Variants in WIZ observed in about 807,000 individuals in gnomAD.
WIZ encodes WIZ zinc finger, also known as protein Wiz.
A neutral mutation model predicts 140.2 loss-of-function variants in WIZ; 25 were observed. The observed-to-expected ratio is 0.18, with a 90% CI of 0.13 to 0.25. WIZ has a LOEUF of 0.25. Ranked by LOEUF, WIZ falls within the 10% of genes least tolerant of loss-of-function variation. The pLI is 1.00. For missense variants in WIZ, 2,231 were observed against 2,632.6 expected (o/e 0.85, Z 3.34); for synonymous variants, 1,125 against 1,154.3 (o/e 0.97, Z 0.51).
chr19:15,433,376 C>T lies in WIZ; in HGVS notation c.2741-2194G>A. 5.1e-6 allele frequency: 5 copies of T among 985,086 alleles called. No homozygotes were observed. In the South Asian group the frequency reaches 1.9e-4, roughly 37 times the overall value. 61.0% of individuals were successfully genotyped at this position (985,086 alleles called of 1,614,324 possible). ...CCCGCCCCCAACCTGGCACCCGCCCCCTCCTGCCCACTTAGGGAGAGGGGG... is the reference window on the plus strand; with the variant it reads ...CCCGCCCCCAACCTGGCACCCGCCCTCTCCTGCCCACTTAGGGAGAGGGGG... On this transcript the variant is annotated intron_variant, in intron 5 of 12. Transcript: ENST00000673675.
Position 15,429,665 on chromosome 19 carries a change from G to A in WIZ, c.3336C>T (p.Pro1112=), listed in dbSNP as rs1969092326. ...CCGGCCGGGGGCTCAGGGACAGCTG[G>A]GGGCTCTTGTCCTCAGGATTCTTAG... The part of the protein sequence containing the change: ...PTPKNPEDKS[P]QLSLSPRPAS... The change falls in exon 7 of 13, where the codon CCC becomes CCT. Residue 1112 remains proline (P), a synonymous_variant. Coordinates refer to ENST00000673675, the MANE Select transcript of WIZ (RefSeq NM_001371589.1). 3 of 1,426,624 alleles carry A rather than the reference G, an allele frequency of 2.1e-6. No homozygotes were observed. The highest frequency in any genetic ancestry group is 1.4e-5 in the African/African-American group (1 of 69,484). The allele number at this position is 1,426,624 out of a possible 1,614,324, so 88.4% of individuals were successfully genotyped here.
rs748526882 is a variant in WIZ at position 15,427,089 on chromosome 19, C to T, written c.4259G>A (p.Arg1420Gln). 27 of 1,614,190 alleles carry T rather than the reference C, an allele frequency of 1.7e-5. No individual in the cohort carries two copies. The highest frequency in any genetic ancestry group is 2.1e-5 in the Non-Finnish European group (25 of 1,180,002). ...LPKKLKPEQI[R>Q]VEIKREMLPG... ...CAGCATCTCCCGCTTGATCTCCACC[C>T]GTATTTGTTCAGGCTTCAGCTTCTT... The change falls in exon 9 of 13, where the codon CGG (arginine) becomes CAG (glutamine). Residue 1420 changes from arginine to glutamine, a missense_variant. Transcript: ENST00000673675. This position sits in a 1 kb window ranked among gnomAD's most constrained non-coding sequence, Gnocchi z 6.4.
chr19:15,424,336 G>A lies in WIZ; in HGVS notation c.5357C>T (p.Ala1786Val), dbSNP rs774446894. ...GTCATTGGTGTCCTCGCCTCCCCGG[G>A]CTGCGGAGGCATCTGGAGGGCGGGC... ...RQARPPDASA[A>V]RGGEDTNDLQ... The change falls in exon 12 of 13, where the codon GCC (alanine) becomes GTC (valine). Residue 1786 changes from alanine (A) to valine (V), a missense_variant. Ala to Val is a moderately conservative substitution (Grantham distance 64). Around this residue, in one of 15 missense-constraint regions of WIZ, gnomAD observed 299 missense variants for 309.6 expected, o/e 0.97. Coordinates refer to ENST00000673675, the MANE Select transcript of WIZ (RefSeq NM_001371589.1). The surrounding 1 kb of genome is among the most constrained non-coding windows in gnomAD (Gnocchi z 9.7). The A allele has an allele frequency of 1.1e-5, 18 of 1,603,580 alleles. No individual in the cohort carries two copies. In the South Asian group the frequency reaches 1.8e-4, roughly 16 times the overall value.
intron 2 of WIZ, among the ~76,000 whole-genome samples, chr19:15,447,139 C>A (rs189334418): frequency 6.6e-6 from 1 of 152,170 alleles, no homozygotes; most frequent in African/African-American, 2.4e-5. Flanking sequence ...AGCCTTGGCA[C>A]GGAGGAAGCC....
chr19:15,439,557 G>A lies in WIZ; in HGVS notation c.1437C>T (p.Leu479=), dbSNP rs1969650979. The A allele has an allele frequency of 2.0e-6, 3 of 1,505,780 alleles. No individual in the cohort carries two copies. The highest frequency in any genetic ancestry group is 1.2e-5 in the South Asian group (1 of 81,638). The allele number at this position is 1,505,780 out of a possible 1,614,324, so 93.3% of individuals were successfully genotyped here. The change falls in exon 4 of 13, where the codon CTC becomes CTT. Residue 479 remains leucine (L), a synonymous_variant. Coordinates refer to ENST00000673675, the MANE Select transcript of WIZ (RefSeq NM_001371589.1). The surrounding 1 kb of genome is among the most constrained non-coding windows in gnomAD (Gnocchi z 7.0). ...CATGCACCAGCCTCACGTGCTCCCT[G>A]AGCAGGCTCTCGCTGGGCGCGGGGA... ...CGFPAPSESL[L]REHVRLVHAH... is the part of the protein sequence containing the mutation.
rs751632665 is a variant in WIZ at position 15,424,164 on chromosome 19, T to C, written c.5510+19A>G. 15 of 1,485,460 alleles carry C rather than the reference T, an allele frequency of 1.0e-5. No homozygotes were observed. Among genetic ancestry groups the C allele is most frequent in the South Asian group, 1.4e-5 (1 of 72,112 alleles). 92.0% of individuals were successfully genotyped at this position (1,485,460 alleles called of 1,614,324 possible). On this transcript the variant is annotated intron_variant, in intron 12 of 12. Transcript: ENST00000673675. This position sits in a 1 kb window ranked among gnomAD's most constrained non-coding sequence, Gnocchi z 9.7. ...GGTCCACTCAGGTGGTCTCCCTCCC[T>C]CCCCCAGGGGCAGCCTACCTGCATT... is the stretch of plus-strand genomic sequence containing the variant.
intron 5 of WIZ, chr19:15,433,407 T>C (rs1969391969): frequency 4.2e-6 from 4 of 962,402 alleles, no homozygotes; most frequent in Non-Finnish European, 4.9e-6. Context: ...GGGGGCAGGC[T>C]TCTAACGACA....
chr19:15,424,426 C>T lies in WIZ; in HGVS notation c.5315-48G>A. The T allele has an allele frequency of 6.3e-7, 1 of 1,580,100 alleles. No homozygotes were observed. Among genetic ancestry groups the T allele is most frequent in the Non-Finnish European group, 8.6e-7 (1 of 1,167,132 alleles). On this transcript the variant is annotated intron_variant, in intron 11 of 12. Transcript: ENST00000673675. The surrounding 1 kb of genome is among the most constrained non-coding windows in gnomAD (Gnocchi z 9.7). ...AGATGAGTGGGAGGGGTGGATGCTG[C>T]AGAGACTTGGAATACACAAGAGCTG...
intron 5 of WIZ, 82 bp downstream of exon 5, chr19:15,436,724 C>G (rs1486729428): frequency 6.6e-6 from 9 of 1,373,122 alleles, no homozygotes; most frequent in South Asian, 1.6e-5. Flanking sequence ...AGCTGAGCGG[C>G]TGCCCCTCCA....
At chr19:15,437,974 C>T (rs957622215) in intron 4 of WIZ, among the ~76,000 whole-genome samples, 5 of 152,038 alleles carry the variant, frequency 3.3e-5, no homozygotes, top group Non-Finnish European at 4.4e-5. Context: ...TCACCCCTTG[C>T]CCCCAACCCC....
At chr19:15,426,528 A>C (rs1036736749) in intron 9 of WIZ, among the ~76,000 whole-genome samples, 1 of 152,168 alleles carries the variant, frequency 6.6e-6, no homozygotes, top group Non-Finnish European at 1.5e-5. Flanking sequence ...AGGTCACATA[A>C]AGCTAGACTG....
Position 15,429,998 on chromosome 19 carries a change from C to T in WIZ, c.3003G>A (p.Leu1001=), listed in dbSNP as rs1299718320. 3 of 1,535,918 alleles carry T rather than the reference C, an allele frequency of 2.0e-6. No homozygotes were observed. Among genetic ancestry groups the T allele is most frequent in the Non-Finnish European group, 2.6e-6 (3 of 1,146,844 alleles). ...SSHARSHLRQ[L]GVAESESSGA... Reference sequence around the variant, plus strand: ...CGCTGCTTTCCGACTCTGCCACTCCCAGCTGCCGCAGGTGGGAGCGCGCGT... The same window carrying T: ...CGCTGCTTTCCGACTCTGCCACTCCTAGCTGCCGCAGGTGGGAGCGCGCGT... The change falls in exon 7 of 13, where the codon CTG becomes CTA. Residue 1001 remains leucine (L), a synonymous_variant. Transcript: ENST00000673675.
rs752292258 is a variant in WIZ, at chr19:15,440,400, G to A, written c.594C>T (p.Asp198=). ...CAGGCAGGTCCAAGTGCAGCCCTGC[G>A]TCCTGGGGGGATCCCTGCTCGTCCT... ...QDEDEQGSPQ[D]AGLHLDLPAQ... Residue 198 remains aspartate (D), a synonymous_variant, in exon 4 of 13, where the codon GAC becomes GAT. Transcript: ENST00000673675. This position sits in a 1 kb window ranked among gnomAD's most constrained non-coding sequence, Gnocchi z 6.2. 1.7e-5 allele frequency: 26 copies of A among 1,535,566 alleles called. No homozygotes were observed. The highest frequency in any genetic ancestry group is 1.1e-4 in the African/African-American group (8 of 73,000).
chr19:15,438,961 AGCT>A lies in WIZ; in HGVS notation c.2030_2032del (p.Gln677del), dbSNP rs1469459365. On this transcript the variant is annotated inframe_deletion, in exon 4 of 13. Coordinates refer to ENST00000673675, the MANE Select transcript of WIZ (RefSeq NM_001371589.1). ...GAGCACAATGGGTACCATCCCTCGG[AGCT>A]GCTGCTGCTGCCCCTGGGTGGCCTC... The A allele has an allele frequency of 6.2e-6, 9 of 1,452,958 alleles. No homozygotes were observed. The highest frequency in any genetic ancestry group is 2.5e-5 in the East Asian group (1 of 40,178). 90.0% of individuals were successfully genotyped at this position (1,452,958 alleles called of 1,614,324 possible).
rs1568290247 is a variant in WIZ at position 15,425,832 on chromosome 19, AGGAGGGAGGAGGAGGAG to A, written c.4367-81_4367-65del. Reference sequence around the variant, plus strand: ...GGAGGAGGAGGGAGGAGGAGGGAGGAGGAGGGAGGAGGAGGAGGGAGGAGGGAGGAGGAGGAGGAGGA... The same window carrying A: ...GGAGGAGGAGGGAGGAGGAGGGAGGAGGAGGAGGGAGGAGGAGGAGGAGGA... On this transcript the variant is annotated intron_variant, in intron 9 of 12. Transcript: ENST00000673675. 2.9e-4 allele frequency: 8 copies of A among 27,400 alleles called. 1 individual carries two copies. Among genetic ancestry groups the A allele is most frequent in the East Asian group, 2.6e-3 (3 of 1,174 alleles). The allele number at this position is 27,400 out of a possible 1,614,324, so 1.7% of individuals were successfully genotyped here.
rs766543441 is a variant in WIZ at position 15,427,185 on chromosome 19, T to A, written c.4163A>T (p.His1388Leu). 6.2e-7 allele frequency: 1 copy of A among 1,614,016 alleles called. No individual in the cohort carries two copies. Among genetic ancestry groups the A allele is most frequent in the African/African-American group, 1.3e-5 (1 of 74,994 alleles). Residue 1388 changes from histidine to leucine, a missense_variant, in exon 9 of 13, where the codon CAC (histidine) becomes CTC (leucine). His to Leu is a moderately conservative substitution (Grantham distance 99). Transcript: ENST00000673675. This position sits in a 1 kb window ranked among gnomAD's most constrained non-coding sequence, Gnocchi z 6.4. ...AGGAGGAGGAGAGGCAGTTGGTGAG[T>A]GGCCCAGGGGGCTGCCCGGTGGTGG... ...LPPPPGSPLG[H>L]SPTASPPPTA... is the part of the protein sequence containing the mutation.
intron 5 of WIZ, chr19:15,432,522 TGGC>T (rs1473285192): frequency 4.9e-4 from 113 of 228,674 alleles, no homozygotes; most frequent in Middle Eastern, 2.1e-3. Flanking sequence ...GCGGTGGTGG[TGGC>T]GGCGGCGGCG....
rs1229011094 is a variant in WIZ, at chr19:15,421,669, TCA to T, written c.*1405_*1406del. ...AGGGGTGCATGTGTCTCACTAGAAG[TCA>T]CATGTATTAAAAGCAGGTGAGTTCC... is the stretch of plus-strand genomic sequence containing the variant. On this transcript the variant is annotated 3_prime_UTR_variant, in exon 13 of 13. Coordinates refer to ENST00000673675, the MANE Select transcript of WIZ (RefSeq NM_001371589.1). The T allele has an allele frequency of 6.6e-5, 10 of 152,066 alleles. No individual in the cohort carries two copies. The highest frequency in any genetic ancestry group is 1.5e-4 in the Non-Finnish European group (10 of 68,018). The allele number at this position is 152,066 out of a possible 1,614,324, so 9.4% of individuals were successfully genotyped here.
chr19:15,426,899 AGGC>A, intron 9 of WIZ, 80 bp downstream of exon 9: 6 of 1,491,896 alleles, frequency 4.0e-6, no homozygotes, highest in South Asian at 1.3e-5. Context: ...ATTCAACCCT[AGGC>A]ACTCTGGATA....
Sources: gnomAD v4.1 joint callset for allele counts (sites outside exome capture counted in the v4.1 genomes callset) on GRCh38, gnomAD v4.1.1 for gene constraint, gnomAD v4.1.1 regional missense constraint, Gnocchi (gnomAD v3.1) non-coding constraint, MANE v1.5 for transcripts, NCBI Gene and HGNC (gene_info 2026-07-23, HGNC 2026-07-21) for gene names.